Variants in POU6F2 observed in about 807,000 individuals in gnomAD.
The protein encoded by POU6F2 is POU domain, class 6, transcription factor 2.
POU6F2 carries 31 observed loss-of-function variants against 71.3 expected under a neutral mutation model. That is an observed-to-expected ratio of 0.43 (90% confidence interval 0.33 to 0.59). The LOEUF (loss-of-function observed/expected upper bound fraction) is 0.59, where lower values mean the gene tolerates loss of function less well. POU6F2 is among the 20% of genes least tolerant of loss of function. POU6F2 has a pLI of 0.04. For synonymous variants in POU6F2, 347 were observed against 355.7 expected (o/e 0.98, Z 0.27); for missense variants, 783 against 856.8 (o/e 0.91, Z 1.07).
intron 4 of POU6F2, among the ~76,000 whole-genome samples, chr7:39,260,611 A>G (rs541528698): frequency 5.0e-4 from 76 of 151,078 alleles, no homozygotes; most frequent in African/African-American, 1.8e-3. Context: ...CACACCATAC[A>G]CACAATACAG....
At chr7:39,193,797 A>G (rs1264565940) in intron 2 of POU6F2, among the ~76,000 whole-genome samples, 1 of 152,196 alleles carries the variant, frequency 6.6e-6, no homozygotes, top group East Asian at 1.9e-4. Flanking sequence ...GCCCGGATAC[A>G]CTCATCTCTC....
chr7:39,419,177 G>A (rs149615765), intron 6 of POU6F2, among the ~76,000 whole-genome samples: 3,596 of 143,176 alleles, frequency 0.025, 142 homozygotes, highest in African/African-American at 0.09. Flanking sequence ...ATATATATAC[G>A]TATATATGTA....
chr7:39,297,333 G>A (rs1190976270), intron 4 of POU6F2, among the ~76,000 whole-genome samples: 4 of 151,806 alleles, frequency 2.6e-5, no homozygotes, highest in African/African-American at 7.3e-5. Context: ...TCAGCATCAC[G>A]GGTTTCCTAT....
intron 4 of POU6F2, among the ~76,000 whole-genome samples, chr7:39,283,780 TG>T (rs1190745520): frequency 6.6e-6 from 1 of 152,218 alleles, no homozygotes; most frequent in Non-Finnish European, 1.5e-5. Flanking sequence ...CAAATGAACA[TG>T]TTAAAGAAAC....
intron 1 of POU6F2, among the ~76,000 whole-genome samples, chr7:39,043,592 A>C (rs1790233676): frequency 6.6e-6 from 1 of 151,990 alleles, no homozygotes; most frequent in African/African-American, 2.4e-5. Flanking sequence ...TGGCTTATAT[A>C]AGGTGTCACA....
At chr7:39,393,561 A>T (rs1368092208) in intron 5 of POU6F2, among the ~76,000 whole-genome samples, 1 of 152,148 alleles carries the variant, frequency 6.6e-6, no homozygotes. Flanking sequence ...TCTGACCCTT[A>T]TTGTGAATTC....
intron 4 of POU6F2, among the ~76,000 whole-genome samples, chr7:39,296,234 T>C (rs1308750202): frequency 1.3e-5 from 2 of 152,190 alleles, no homozygotes; most frequent in Non-Finnish European, 2.9e-5. Context: ...GCTCATTAAT[T>C]ACAGAAACTC....
chr7:39,155,091 A>G (rs950000929), intron 2 of POU6F2, among the ~76,000 whole-genome samples: 2 of 152,084 alleles, frequency 1.3e-5, no homozygotes, highest in African/African-American at 2.4e-5. Flanking sequence ...TTCCTCAATG[A>G]CCAGTGTGGT....
intron 1 of POU6F2, among the ~76,000 whole-genome samples, chr7:39,074,794 T>C (rs1345692061): frequency 2.0e-5 from 3 of 152,196 alleles, no homozygotes; most frequent in Non-Finnish European, 2.9e-5. Context: ...AGTCACACTT[T>C]GTCGGAAGGG....
At chr7:39,272,265 A>G (rs1282224951) in intron 4 of POU6F2, among the ~76,000 whole-genome samples, 1 of 152,060 alleles carries the variant, frequency 6.6e-6, no homozygotes, top group African/African-American at 2.4e-5. Context: ...TCATCCTCCC[A>G]CTACTGTAGA....
chr7:39,298,421 A>C (rs1387906270), intron 4 of POU6F2, among the ~76,000 whole-genome samples: 1 of 152,212 alleles, frequency 6.6e-6, no homozygotes, highest in African/African-American at 2.4e-5. Context: ...GCTCAACATC[A>C]CTGATTATCA....
At chr7:39,023,991 C>CT (rs1562674799) in intron 1 of POU6F2, among the ~76,000 whole-genome samples, 1 of 152,042 alleles carries the variant, frequency 6.6e-6, no homozygotes, top group Non-Finnish European at 1.5e-5. Flanking sequence ...GATGTGGGCT[C>CT]TTTTTTGGTT....
intron 2 of POU6F2, among the ~76,000 whole-genome samples, chr7:39,123,145 CATG>C (rs1792078779): frequency 6.6e-6 from 1 of 152,156 alleles, no homozygotes; most frequent in Non-Finnish European, 1.5e-5. Flanking sequence ...AATCAGCTGT[CATG>C]ATGATTGACA....
In POU6F2 at chr7:39,076,747, TGGAG is replaced by T. The variant is rs370676034; in HGVS notation, c.106-9111_106-9108del. Reference sequence around the variant, plus strand: ...CTTCCCCTATCTCCCTTTGAGGTCCTGGAGGCACCTCTCTAAAACCCTCAGGGCT... The same window carrying T: ...CTTCCCCTATCTCCCTTTGAGGTCCTGCACCTCTCTAAAACCCTCAGGGCT... On this transcript the variant is annotated intron_variant, in intron 1 of 9. Transcript: ENST00000518318. 4.4e-4 allele frequency among the ~76,000 whole-genome samples: 67 copies of T among 152,266 alleles called. No homozygotes were observed. The East Asian group carries it at 0.01, about 23-fold the overall frequency.
intron 4 of POU6F2, among the ~76,000 whole-genome samples, chr7:39,240,267 C>T (rs1269877414): frequency 2.0e-5 from 3 of 152,094 alleles, no homozygotes; most frequent in Admixed American, 6.5e-5. Flanking sequence ...AAGCAAGTCA[C>T]ATAAATGATC....
intron 1 of POU6F2, among the ~76,000 whole-genome samples, chr7:39,015,059 G>A (rs1014874559): frequency 6.6e-6 from 1 of 151,380 alleles, no homozygotes; most frequent in Non-Finnish European, 1.5e-5. Context: ...CTTGCTTATG[G>A]ATTTAAAAAA....
chr7:39,040,109 T>A (rs1248572981), intron 1 of POU6F2, among the ~76,000 whole-genome samples: 1 of 1,500 alleles, frequency 6.7e-4, no homozygotes, highest in Admixed American at 0.012. Flanking sequence ...ATGTATATAT[T>A]ATATACATTT....
At chr7:39,150,980 GA>G (rs984296496) in intron 2 of POU6F2, among the ~76,000 whole-genome samples, 24 of 150,062 alleles carry the variant, frequency 1.6e-4, no homozygotes, top group East Asian at 1.9e-4. Flanking sequence ...TCCTCATTCT[GA>G]AAAAAAAATT....
intron 8 of POU6F2, among the ~76,000 whole-genome samples, chr7:39,459,675 G>A (rs1395939695): frequency 6.6e-6 from 1 of 152,196 alleles, no homozygotes; most frequent in African/African-American, 2.4e-5. Context: ...AGCTCACAGG[G>A]AGAATGGCTT....
Sources: gnomAD v4.1 joint callset for allele counts (sites outside exome capture counted in the v4.1 genomes callset) on GRCh38, gnomAD v4.1.1 for gene constraint, MANE v1.5 for transcripts, NCBI Gene and HGNC (gene_info 2026-07-23, HGNC 2026-07-21) for gene names.